Variants in NCOA3 observed in about 807,000 individuals in gnomAD.
The protein encoded by NCOA3 is nuclear receptor coactivator 3.
In NCOA3, 51 loss-of-function variants were observed where a neutral mutation model predicts 158.8. That is an observed-to-expected ratio of 0.32 (90% CI 0.26 to 0.41). The LOEUF (loss-of-function observed/expected upper bound fraction) is 0.41. Among genes scored for constraint, NCOA3 ranks in the 10% least tolerant of loss-of-function variants. The pLI is 1.00. For missense variants in NCOA3, 1,510 were observed against 1,746.6 expected, an observed-to-expected ratio of 0.86 and a Z score of 2.41; for synonymous variants, 537 against 592.4, an observed-to-expected ratio of 0.91 and a Z score of 1.36.
intron 1 of NCOA3, among the ~76,000 whole-genome samples, chr20:47,539,815 G>A (rs899242478): frequency 1.3e-5 from 2 of 152,110 alleles, no homozygotes; most frequent in South Asian, 2.1e-4. Context: ...GTGAGCCACC[G>A]CACCCGGCCT....
intron 2 of NCOA3, among the ~76,000 whole-genome samples, chr20:47,590,095 C>G (rs1286638490): frequency 6.6e-6 from 1 of 152,118 alleles, no homozygotes; most frequent in East Asian, 1.9e-4. Context: ...GTGTGAGCCA[C>G]TGTGTCCTGC....
intron 2 of NCOA3, among the ~76,000 whole-genome samples, chr20:47,597,182 C>T (rs2085770676): frequency 6.6e-6 from 1 of 152,218 alleles, no homozygotes; most frequent in Non-Finnish European, 1.5e-5. Context: ...AATCAGTCAT[C>T]TCCACTGGTC....
At chr20:47,515,373 T>G (rs6018523) in intron 1 of NCOA3, among the ~76,000 whole-genome samples, 1 of 151,484 alleles carries the variant, frequency 6.6e-6, no homozygotes, top group African/African-American at 2.4e-5. Context: ...GTCTTAGTCT[T>G]GAACTCCTGA....
chr20:47,563,603 A>G (rs1034600906), intron 1 of NCOA3, among the ~76,000 whole-genome samples: 9 of 152,184 alleles, frequency 5.9e-5, no homozygotes, highest in Non-Finnish European at 1.2e-4. Flanking sequence ...TGGCTGAGGC[A>G]TGGCTGGGCA....
At chr20:47,575,561 C>T (rs2085360618) in intron 1 of NCOA3, among the ~76,000 whole-genome samples, 1 of 152,134 alleles carries the variant, frequency 6.6e-6, no homozygotes, top group African/African-American at 2.4e-5. Context: ...TTTTGGAACC[C>T]TTCAGCAGTT....
intron 8 of NCOA3, 45 bp from the exon 9 acceptor site, chr20:47,633,451 T>C (rs199730046): frequency 6.4e-7 from 1 of 1,557,890 alleles, no homozygotes; most frequent in Admixed American, 1.9e-5. Context: ...CAGTAAATAC[T>C]TGTGGGCTGG....
chr20:47,513,969 A>G (rs1006782042), intron 1 of NCOA3, among the ~76,000 whole-genome samples: 3 of 152,156 alleles, frequency 2.0e-5, no homozygotes, highest in African/African-American at 4.8e-5. Context: ...ACTTTAAACT[A>G]TATGCATGTA....
chr20:47,539,314 A>G (rs569394113), intron 1 of NCOA3, among the ~76,000 whole-genome samples: 2 of 152,334 alleles, frequency 1.3e-5, no homozygotes, highest in African/African-American at 4.8e-5. Context: ...TACTATATGT[A>G]GCCTGGGTGA....
At chr20:47,633,994 A>G (rs759444977) in intron 9 of NCOA3, 54 bp from the exon 10 acceptor site, 5 of 1,598,810 alleles carry the variant, frequency 3.1e-6, no homozygotes, top group Middle Eastern at 1.7e-4. Context: ...CCCCTCCTAT[A>G]TATATTTGTT....
intron 1 of NCOA3, among the ~76,000 whole-genome samples, chr20:47,553,264 T>G (rs1602391444): frequency 1.3e-5 from 2 of 152,260 alleles, no homozygotes; most frequent in East Asian, 3.9e-4. Context: ...CTAATTAGAA[T>G]CTAACTAGTT....
At chr20:47,598,119 C>T (rs1169635645) in intron 2 of NCOA3, among the ~76,000 whole-genome samples, 13 of 150,670 alleles carry the variant, frequency 8.6e-5, no homozygotes, top group African/African-American at 2.9e-4. Flanking sequence ...TGGTGGCGGG[C>T]GCCTGTAGTC....
At position 47,618,445 on chromosome 20, in the gene NCOA3, C is replaced by G. The variant is rs111959772; in HGVS notation, c.-19-3784C>G. 6.1e-5 allele frequency among the ~76,000 whole-genome samples: 9 copies of G among 148,610 alleles called. 3 individuals are homozygous for G. The highest frequency in any genetic ancestry group is 2.2e-4 in the African/African-American group (9 of 40,512). On this transcript the variant is annotated intron_variant, in intron 2 of 22. Transcript: ENST00000371998. ...TCTTGGCTTACTGCAACCTCCATCT[C>G]CCAGGTTCAAGCAATTCTCCTGTCT...
intron 1 of NCOA3, among the ~76,000 whole-genome samples, chr20:47,533,881 A>G (rs1178863513): frequency 4.6e-5 from 7 of 152,118 alleles, no homozygotes; most frequent in African/African-American, 1.7e-4. Flanking sequence ...AGCTGTGGCT[A>G]TGCCACTGTA....
intron 1 of NCOA3, among the ~76,000 whole-genome samples, chr20:47,533,491 C>CT (rs1477953152): frequency 6.6e-6 from 1 of 151,962 alleles, no homozygotes; most frequent in Admixed American, 6.6e-5. Flanking sequence ...TCTTTCCAGT[C>CT]TTTTTTTCTT....
chr20:47,636,677 A>G lies in NCOA3; in HGVS notation c.2291A>G (p.Asn764Ser). The G allele has an allele frequency of 6.2e-7, 1 of 1,614,190 alleles. No individual in the cohort carries two copies. Among genetic ancestry groups the G allele is most frequent in the Non-Finnish European group, 8.5e-7 (1 of 1,180,008 alleles). The change falls in exon 12 of 23, where the codon AAT (asparagine) becomes AGT (serine). Residue 764 changes from asparagine to serine, a missense_variant. Coordinates refer to ENST00000371998, the MANE Select transcript of NCOA3 (RefSeq NM_181659.3). ...CAGCCCCAAGTGGAAGGAGTGGATA[A>G]TAAAATGAGTCAGTGCACCAGCTCC... Reference protein sequence around the residue: ...ELQPQVEGVDNKMSQCTSSTI... With the variant: ...ELQPQVEGVDSKMSQCTSSTI...
At chr20:47,615,038 G>T (rs1478350136) in intron 2 of NCOA3, among the ~76,000 whole-genome samples, 1 of 152,186 alleles carries the variant, frequency 6.6e-6, no homozygotes, top group African/African-American at 2.4e-5. Flanking sequence ...TACATATTTT[G>T]TTGGTTATGA....
intron 2 of NCOA3, among the ~76,000 whole-genome samples, chr20:47,587,556 A>G (rs1355040891): frequency 6.6e-6 from 1 of 152,212 alleles, no homozygotes; most frequent in Non-Finnish European, 1.5e-5. Flanking sequence ...TAAAGTAGCA[A>G]TTGTATTTGC....
chr20:47,579,409 G>A (rs960592313), intron 1 of NCOA3, among the ~76,000 whole-genome samples: 1 of 152,182 alleles, frequency 6.6e-6, no homozygotes, highest in Non-Finnish European at 1.5e-5. Context: ...GTATGATTTG[G>A]TTTTTGTATG....
chr20:47,630,826 A>C (rs2086402674), intron 8 of NCOA3: 1 of 154,324 alleles, frequency 6.5e-6, no homozygotes, highest in Non-Finnish European at 1.5e-5. Context: ...ACTTCTTTCA[A>C]GTTATTTGTC....
Sources: gnomAD v4.1 joint callset for allele counts (sites outside exome capture counted in the v4.1 genomes callset) on GRCh38, gnomAD v4.1.1 for gene constraint, MANE v1.5 for transcripts, NCBI Gene and HGNC (gene_info 2026-07-23, HGNC 2026-07-21) for gene names.